Variants in ROBO1 observed in about 807,000 individuals in gnomAD.
ROBO1 encodes the protein roundabout homolog 1.
ROBO1 carries 149 observed loss-of-function variants against 195.9 expected under a neutral mutation model. The ratio of observed to expected loss-of-function variants is 0.76; its 90% CI spans 0.67 to 0.87. The LOEUF (loss-of-function observed/expected upper bound fraction) is 0.87, where lower values mean the gene tolerates loss of function less well. Among genes scored for constraint, ROBO1 ranks in the 40% least tolerant of loss-of-function variants. The pLI is 0.00. For missense variants in ROBO1, 1,933 were observed against 2,068.3 expected, an observed-to-expected ratio of 0.93 and a Z score of 1.27; for synonymous variants, 816 against 733.2, an observed-to-expected ratio of 1.11 and a Z score of -1.82.
intron 2 of ROBO1, among the ~76,000 whole-genome samples, chr3:79,245,401 T>A (rs2082605017): frequency 6.6e-6 from 1 of 152,044 alleles, no homozygotes; most frequent in Admixed American, 6.6e-5. Context: ...CATTATAAAG[T>A]CAAACATTTG....
chr3:78,627,492 T>G lies in ROBO1; in HGVS notation c.3704A>C (p.Asp1235Ala), dbSNP rs746236389. Residue 1235 changes from aspartate to alanine, a missense_variant, in exon 26 of 31, where the codon GAT (aspartate) becomes GCT (alanine). Physicochemically the swap from Asp to Ala is moderately radical, Grantham distance 126. Transcript: ENST00000464233. Reference protein sequence around the residue: ...LQQDELEEEEDERGPTPPVRG... With the variant: ...LQQDELEEEEAERGPTPPVRG... ...AACAGGGGGAGTGGGGCCTCGTTCA[T>G]CTTCCTCCTCTTCTAATTCATCTTG... 28 of 1,613,178 alleles carry G rather than the reference T, an allele frequency of 1.7e-5. No homozygotes were observed. The East Asian group carries it at 4.0e-4, about 23-fold the overall frequency.
chr3:78,856,827 A>G (rs1429523236), intron 4 of ROBO1, among the ~76,000 whole-genome samples: 1 of 150,550 alleles, frequency 6.6e-6, no homozygotes, highest in African/African-American at 2.4e-5. Flanking sequence ...TTATTAAAAT[A>G]CATTTGCGCA....
At chr3:78,957,629 C>T (rs965242930) in intron 3 of ROBO1, among the ~76,000 whole-genome samples, 1 of 152,164 alleles carries the variant, frequency 6.6e-6, no homozygotes, top group African/African-American at 2.4e-5. Context: ...ATAGAGACCA[C>T]AAACCCTGAG....
chr3:78,804,056 A>C (rs1332997130), intron 4 of ROBO1, among the ~76,000 whole-genome samples: 1 of 152,172 alleles, frequency 6.6e-6, no homozygotes, highest in African/African-American at 2.4e-5. Flanking sequence ...ATTTTCCTGC[A>C]AAGTTTGTAT....
intron 2 of ROBO1, among the ~76,000 whole-genome samples, chr3:79,320,788 G>A (rs567597352): frequency 1.2e-4 from 18 of 152,088 alleles, no homozygotes; most frequent in Non-Finnish European, 2.4e-4. Flanking sequence ...TCTCAGAGTG[G>A]ATGTAAACAA....
chr3:79,418,940 T>C (rs2038113932), intron 2 of ROBO1, among the ~76,000 whole-genome samples: 1 of 152,112 alleles, frequency 6.6e-6, no homozygotes, highest in East Asian at 1.9e-4. Flanking sequence ...AAGTCCCCAT[T>C]TGTCAAGGAT....
At chr3:78,703,136 T>C (rs185820515) in intron 8 of ROBO1, among the ~76,000 whole-genome samples, 60 of 152,332 alleles carry the variant, frequency 3.9e-4, no homozygotes, top group African/African-American at 1.4e-3. Flanking sequence ...AGGGTTACAA[T>C]GGCTGTTTCT....
intron 3 of ROBO1, among the ~76,000 whole-genome samples, chr3:79,057,023 C>A (rs146852308): frequency 6.6e-6 from 1 of 152,040 alleles, no homozygotes. Flanking sequence ...GGCAAATTCA[C>A]TTGGCTGATT....
chr3:79,201,963 T>C (rs1218511760), intron 2 of ROBO1, among the ~76,000 whole-genome samples: 1 of 151,300 alleles, frequency 6.6e-6, no homozygotes, highest in Non-Finnish European at 1.5e-5. Context: ...ACAAATGTTC[T>C]CCTTGCTAGT....
rs2038328320 is a variant in ROBO1, at chr3:79,423,730, T to C, written c.88+166094A>G. 2.6e-5 allele frequency among the ~76,000 whole-genome samples: 4 copies of C among 152,104 alleles called. No homozygotes were observed. In the South Asian group the frequency reaches 8.3e-4, roughly 31 times the overall value. On this transcript the variant is annotated intron_variant, in intron 2 of 30. Coordinates refer to ENST00000464233, the MANE Select transcript of ROBO1 (RefSeq NM_002941.4). ...CAGCAGGCCACCAAAAGATTCAGTA[T>C]TCAGCATTACTGACGACAAATATAA...
chr3:78,751,463 A>C (rs1235967262), intron 4 of ROBO1, among the ~76,000 whole-genome samples: 2 of 152,124 alleles, frequency 1.3e-5, no homozygotes, highest in African/African-American at 4.8e-5. Context: ...TTCACAGGTG[A>C]GGAATTTGTA....
chr3:78,652,007 C>A (rs1038727056), intron 18 of ROBO1, 78 bp from the exon 19 acceptor site: 3 of 1,114,636 alleles, frequency 2.7e-6, no homozygotes, highest in Non-Finnish European at 3.9e-6. Context: ...GCTGCCATTA[C>A]TTTGTTAATT....
chr3:78,766,340 C>T (rs2083227581), intron 4 of ROBO1, among the ~76,000 whole-genome samples: 1 of 152,060 alleles, frequency 6.6e-6, no homozygotes, highest in South Asian at 2.1e-4. Context: ...AAATGGCTTC[C>T]CCTGACATTT....
intron 4 of ROBO1, among the ~76,000 whole-genome samples, chr3:78,789,199 G>A (rs1270684886): frequency 2.3e-4 from 35 of 152,198 alleles, no homozygotes; most frequent in South Asian, 2.1e-4. Flanking sequence ...TTTGTGCCTC[G>A]GGGGAACAGA....
chr3:78,602,405 C>T (rs1703230798), intron 29 of ROBO1, among the ~76,000 whole-genome samples: 1 of 152,132 alleles, frequency 6.6e-6, no homozygotes, highest in Non-Finnish European at 1.5e-5. Flanking sequence ...ATGTCAACAC[C>T]ATGTTTCCTA....
At chr3:79,563,101 T>A (rs1219932347) in intron 2 of ROBO1, among the ~76,000 whole-genome samples, 1 of 152,072 alleles carries the variant, frequency 6.6e-6, no homozygotes, top group Non-Finnish European at 1.5e-5. Flanking sequence ...ATATAAAGTG[T>A]CAAAGCATAA....
intron 7 of ROBO1, 124 bp downstream of exon 7, chr3:78,717,151 G>A: frequency 2.0e-6 from 2 of 979,934 alleles, no homozygotes; most frequent in Non-Finnish European, 2.9e-6. Context: ...CTCCAGTATT[G>A]TATCTGGCCC....
At chr3:79,743,415 G>A (rs1703734837) in intron 1 of ROBO1, among the ~76,000 whole-genome samples, 1 of 152,170 alleles carries the variant, frequency 6.6e-6, no homozygotes, top group Non-Finnish European at 1.5e-5. Context: ...CATGAATGGA[G>A]TTACAAGACT....
intron 10 of ROBO1, among the ~76,000 whole-genome samples, chr3:78,677,451 C>T (rs13083361): frequency 0.18 from 27,843 of 151,540 alleles, 3,164 homozygotes; most frequent in East Asian, 0.5. Context: ...GAGACACACA[C>T]AGGCTCAAAA....
Sources: gnomAD v4.1 joint callset for allele counts (sites outside exome capture counted in the v4.1 genomes callset) on GRCh38, gnomAD v4.1.1 for gene constraint, MANE v1.5 for transcripts, NCBI Gene and HGNC (gene_info 2026-07-23, HGNC 2026-07-21) for gene names.